The following GABRA5 variants were observed in gnomAD, a reference collection of about 807,000 sequenced individuals.
GABRA5 encodes gamma-aminobutyric acid receptor subunit alpha-5.
Under a neutral mutation model 47.3 loss-of-function variants are expected in GABRA5, and 18 were observed. The observed-to-expected ratio is 0.38, with a 90% CI of 0.26 to 0.56. GABRA5 has a LOEUF of 0.56. Ranked by LOEUF, GABRA5 falls within the 20% of genes least tolerant of loss-of-function variation. GABRA5 has a pLI of 0.71. For missense variants in GABRA5, 365 were observed against 599.3 expected (o/e 0.61, Z 4.08); for synonymous variants, 237 against 229.3 (o/e 1.03, Z -0.30).
At chr15:26,881,076 G>C (rs1401762463) in intron 4 of GABRA5, 109 bp downstream of exon 4, 1 of 1,288,834 alleles carries the variant, frequency 7.8e-7, no homozygotes, top group African/African-American at 1.5e-5. Context: ...GAGCTTCCCT[G>C]CCAGGATTTT....
At chr15:26,943,953 A>G (rs573730126) in intron 10 of GABRA5, among the ~76,000 whole-genome samples, 1 of 152,316 alleles carries the variant, frequency 6.6e-6, no homozygotes, top group South Asian at 2.1e-4. Flanking sequence ...ATGCCCAAAC[A>G]TTTGAAGAAA....
At chr15:26,924,229 G>C (rs1157261345) in intron 7 of GABRA5, among the ~76,000 whole-genome samples, 1 of 149,694 alleles carries the variant, frequency 6.7e-6, no homozygotes, top group Admixed American at 6.8e-5. Context: ...ACTGGGTCAG[G>C]GTAGAAATCA....
chr15:26,879,226 C>A (rs766868089), intron 3 of GABRA5, among the ~76,000 whole-genome samples: 17 of 152,192 alleles, frequency 1.1e-4, no homozygotes, highest in Non-Finnish European at 2.2e-4. Context: ...GTTGCAAACT[C>A]GGTGACAATT....
At chr15:26,919,046 G>C (rs769380021) in intron 7 of GABRA5, among the ~76,000 whole-genome samples, 1 of 152,102 alleles carries the variant, frequency 6.6e-6, no homozygotes, top group Non-Finnish European at 1.5e-5. Flanking sequence ...GGGAGGATGA[G>C]GCAGAAGGAT....
intron 6 of GABRA5, among the ~76,000 whole-genome samples, chr15:26,894,334 C>T (rs1360490061): frequency 2.0e-5 from 3 of 152,162 alleles, no homozygotes; most frequent in Admixed American, 6.5e-5. Context: ...AGGGGCCACC[C>T]CTTCACAGGC....
intron 6 of GABRA5, among the ~76,000 whole-genome samples, chr15:26,892,210 A>G (rs1893023192): frequency 6.6e-6 from 1 of 152,250 alleles, no homozygotes; most frequent in African/African-American, 2.4e-5. Context: ...GTGACTAGAC[A>G]TTTATCACAC....
intron 3 of GABRA5, among the ~76,000 whole-genome samples, chr15:26,880,277 AC>A (rs1487628869): frequency 1.3e-5 from 2 of 152,024 alleles, no homozygotes; most frequent in African/African-American, 4.8e-5. Context: ...AAGGGGCAGG[AC>A]CCCAGAGATG....
In GABRA5 at chr15:26,937,420, CACGTG is replaced by C; in HGVS notation, c.724+93_724+97del. On this transcript the variant is annotated intron_variant, in intron 8 of 10. Coordinates refer to ENST00000335625, the MANE Select transcript of GABRA5 (RefSeq NM_000810.4). Reference sequence around the variant, plus strand: ...GCTCCCAGCACCTCTCTGCAGGGGCCACGTGGGAGGCCGCACAGCAGCCTCCCACA... The same window carrying C: ...GCTCCCAGCACCTCTCTGCAGGGGCCGGAGGCCGCACAGCAGCCTCCCACA... 4 of 1,362,902 alleles carry C rather than the reference CACGTG, an allele frequency of 2.9e-6. No homozygotes were observed. The South Asian group carries it at 6.0e-5, about 20-fold the overall frequency. The allele number at this position is 1,362,902 out of a possible 1,614,324, so 84.4% of individuals were successfully genotyped here.
Position 26,867,247 on chromosome 15 carries a change from G to A in GABRA5, c.-140+136G>A, listed in dbSNP as rs1206211919. On this transcript the variant is annotated intron_variant, in intron 1 of 10. Coordinates refer to ENST00000335625, the MANE Select transcript of GABRA5 (RefSeq NM_000810.4). This position sits in a 1 kb window ranked among gnomAD's most constrained non-coding sequence, Gnocchi z 5.9. Reference sequence around the variant, plus strand: ...GCGCAAGAGCCGCTCCGCCGGGAGTGCCGGGGAAGTTCGCGCTGGCAGCAT... The same window carrying A: ...GCGCAAGAGCCGCTCCGCCGGGAGTACCGGGGAAGTTCGCGCTGGCAGCAT... 6.6e-6 allele frequency: 1 copy of A among 151,238 alleles called. No homozygotes were observed. The highest frequency in any genetic ancestry group is 1.5e-5 in the Non-Finnish European group (1 of 67,764). 9.4% of individuals were successfully genotyped at this position (151,238 alleles called of 1,614,324 possible). A position where few individuals can be genotyped will look rare whatever the true frequency, so the allele number is the denominator to read the frequency against.
intron 3 of GABRA5, among the ~76,000 whole-genome samples, chr15:26,873,880 G>A (rs993779564): frequency 2.6e-5 from 4 of 152,192 alleles, no homozygotes; most frequent in African/African-American, 7.2e-5. Context: ...GTTCTTGCAC[G>A]TGGCAAAAAA....
intron 7 of GABRA5, among the ~76,000 whole-genome samples, chr15:26,916,983 G>T (rs1271443589): frequency 6.6e-6 from 1 of 151,944 alleles, no homozygotes; most frequent in East Asian, 1.9e-4. Flanking sequence ...AGTTTTTTGG[G>T]TTTTCTGTAT....
chr15:26,876,131 A>G (rs915265517), intron 3 of GABRA5, among the ~76,000 whole-genome samples: 5 of 152,176 alleles, frequency 3.3e-5, no homozygotes, highest in Non-Finnish European at 7.3e-5. Context: ...TCACCTGCCT[A>G]TGATCGAGCT....
intron 7 of GABRA5, among the ~76,000 whole-genome samples, chr15:26,925,451 G>A (rs976843049): frequency 1.3e-5 from 2 of 152,110 alleles, no homozygotes; most frequent in Non-Finnish European, 2.9e-5. Flanking sequence ...TATACAATAT[G>A]TATCAAGTTT....
At chr15:26,931,023 G>C (rs1894094153) in intron 7 of GABRA5, among the ~76,000 whole-genome samples, 1 of 151,370 alleles carries the variant, frequency 6.6e-6, no homozygotes, top group Middle Eastern at 3.4e-3. Context: ...AGCCTCCTGA[G>C]TAGCTGGGAT....
chr15:26,899,825 A>G (rs1893284439), intron 6 of GABRA5, among the ~76,000 whole-genome samples: 1 of 152,172 alleles, frequency 6.6e-6, no homozygotes, highest in East Asian at 1.9e-4. Context: ...ATTATTTTAT[A>G]TATCTATATC....
At chr15:26,914,937 TC>T in intron 7 of GABRA5, 52 bp downstream of exon 7, 1 of 1,404,184 alleles carries the variant, frequency 7.1e-7, no homozygotes, top group Non-Finnish European at 1.0e-6. Context: ...GGGGATCAAT[TC>T]CACATTTATT....
chr15:26,879,605 A>G (rs765517352), intron 3 of GABRA5, among the ~76,000 whole-genome samples: 3 of 152,228 alleles, frequency 2.0e-5, no homozygotes, highest in Non-Finnish European at 2.9e-5. Flanking sequence ...TTATTCTCTC[A>G]TTCTATTCAA....
At chr15:26,914,911 C>T in intron 7 of GABRA5, 26 bp downstream of exon 7, 1 of 1,579,148 alleles carries the variant, frequency 6.3e-7, no homozygotes. Context: ...AAGTAAGAGC[C>T]TTGGACATAT....
intron 7 of GABRA5, among the ~76,000 whole-genome samples, chr15:26,932,956 C>A (rs12906491): frequency 6.6e-6 from 1 of 151,932 alleles, no homozygotes; most frequent in Admixed American, 6.6e-5. Context: ...TGGGGTAGTG[C>A]GGGGAGGGAG....
Sources: gnomAD v4.1 joint callset for allele counts (sites outside exome capture counted in the v4.1 genomes callset) on GRCh38, gnomAD v4.1.1 for gene constraint, Gnocchi (gnomAD v3.1) non-coding constraint, MANE v1.5 for transcripts, NCBI Gene and HGNC (gene_info 2026-07-23, HGNC 2026-07-21) for gene names.